The following CDH2 variants were observed in gnomAD, a reference collection of about 807,000 sequenced individuals.
The protein encoded by CDH2 is cadherin-2.
Under a neutral mutation model 92.0 loss-of-function variants are expected in CDH2, and 17 were observed. The ratio of observed to expected loss-of-function variants is 0.18; its 90% CI spans 0.13 to 0.28. The LOEUF (loss-of-function observed/expected upper bound fraction) is 0.28. Ranked by LOEUF, CDH2 falls within the 10% of genes least tolerant of loss-of-function variation. The pLI, the probability that CDH2 is intolerant of heterozygous loss-of-function variation, is 1.00. For synonymous variants in CDH2, 419 were observed against 415.9 expected (o/e 1.01, Z -0.09); for missense variants, 862 against 1,133.1 (o/e 0.76, Z 3.44).
intron 14 of CDH2, among the ~76,000 whole-genome samples, chr18:27,971,518 T>C (rs965161675): frequency 1.3e-5 from 2 of 152,162 alleles, no homozygotes; most frequent in South Asian, 2.1e-4. Flanking sequence ...AAAAGTCATA[T>C]GCAAATCATA....
At chr18:28,163,275 C>A (rs1222222677) in intron 1 of CDH2, among the ~76,000 whole-genome samples, 1 of 152,208 alleles carries the variant, frequency 6.6e-6, no homozygotes, top group East Asian at 1.9e-4. Flanking sequence ...ATACTGCTGG[C>A]AGACCAGTAT....
chr18:28,169,536 G>T lies in CDH2; in HGVS notation c.60+7427C>A, dbSNP rs181645336. Among the ~76,000 whole-genome samples the T allele has an allele frequency of 4.5e-3, 680 of 152,192 alleles. 2 individuals carry two copies. The highest frequency in any genetic ancestry group is 0.016 in the African/African-American group (655 of 41,530). Reference sequence around the variant, plus strand: ...CACCCAAACATTAAGTAACATATCAGAATGGAAAGAAAATCTGGGCATACA... The same window carrying T: ...CACCCAAACATTAAGTAACATATCATAATGGAAAGAAAATCTGGGCATACA... On this transcript the variant is annotated intron_variant, in intron 1 of 15. Transcript: ENST00000269141.
chr18:28,068,990 T>G (rs1022571815), intron 2 of CDH2, among the ~76,000 whole-genome samples: 1 of 152,196 alleles, frequency 6.6e-6, no homozygotes, highest in Non-Finnish European at 1.5e-5. Flanking sequence ...TGTCACATAT[T>G]ATACAGGGGC....
intron 1 of CDH2, among the ~76,000 whole-genome samples, chr18:28,162,868 T>C (rs540459169): frequency 6.6e-6 from 1 of 152,296 alleles, no homozygotes; most frequent in South Asian, 2.1e-4. Context: ...TTGCAGAGGA[T>C]TGATGTGAGG....
chr18:28,177,099 C>A lies in CDH2; in HGVS notation c.-77G>T. 2 of 1,104,060 alleles carry A rather than the reference C, an allele frequency of 1.8e-6. No individual in the cohort carries two copies. The highest frequency in any genetic ancestry group is 3.0e-5 in the East Asian group (1 of 33,072). 68.4% of individuals were successfully genotyped at this position (1,104,060 alleles called of 1,614,324 possible). A position where few individuals can be genotyped will look rare whatever the true frequency, so the allele number is the denominator to read the frequency against. On this transcript the variant is annotated 5_prime_UTR_variant, in exon 1 of 16. Transcript: ENST00000269141. ...GCGGCGGCGGAGGAGGAGGAGGCAG[C>A]GGCAGCACCAACAGCGGCGCGGAGA...
chr18:28,144,014 G>C (rs1312397771), intron 2 of CDH2, among the ~76,000 whole-genome samples: 1 of 151,932 alleles, frequency 6.6e-6, no homozygotes. Flanking sequence ...GAGGGCAAGG[G>C]GAGGGAGAGT....
chr18:28,117,963 T>G (rs1025582218), intron 2 of CDH2, among the ~76,000 whole-genome samples: 1 of 152,102 alleles, frequency 6.6e-6, no homozygotes, highest in Admixed American at 6.5e-5. Context: ...TATCAGAACT[T>G]AAGGGCTTCA....
chr18:28,067,521 A>G (rs1464519151), intron 2 of CDH2, among the ~76,000 whole-genome samples: 1 of 152,204 alleles, frequency 6.6e-6, no homozygotes, highest in African/African-American at 2.4e-5. Flanking sequence ...CACTTAGCAC[A>G]GTGTTTTCAA....
At chr18:28,138,935 G>C (rs2144311315) in intron 2 of CDH2, among the ~76,000 whole-genome samples, 1 of 152,176 alleles carries the variant, frequency 6.6e-6, no homozygotes, top group African/African-American at 2.4e-5. Flanking sequence ...TTTGGGGGAA[G>C]GGAGTGACAG....
intron 2 of CDH2, among the ~76,000 whole-genome samples, chr18:28,093,414 A>G (rs1371154592): frequency 6.6e-6 from 1 of 152,156 alleles, no homozygotes; most frequent in African/African-American, 2.4e-5. Flanking sequence ...GGGAGTCCTA[A>G]CTTGTTTTTA....
At chr18:27,995,440 T>A (rs1039677231) in intron 7 of CDH2, among the ~76,000 whole-genome samples, 4 of 152,066 alleles carry the variant, frequency 2.6e-5, no homozygotes, top group African/African-American at 9.7e-5. Context: ...TCGCAGGACA[T>A]TCAGTTCAGC....
chr18:28,027,124 T>C (rs867624888), intron 2 of CDH2, among the ~76,000 whole-genome samples: 1 of 152,100 alleles, frequency 6.6e-6, no homozygotes, highest in South Asian at 2.1e-4. Context: ...ATATCTACAA[T>C]GGACTTAGCA....
At chr18:28,167,348 T>G (rs1004553259) in intron 1 of CDH2, among the ~76,000 whole-genome samples, 2 of 152,096 alleles carry the variant, frequency 1.3e-5, no homozygotes, top group African/African-American at 2.4e-5. Context: ...CTTGACACCA[T>G]AAATGTGCGA....
intron 2 of CDH2, among the ~76,000 whole-genome samples, chr18:28,105,309 A>T (rs2144242163): frequency 6.6e-6 from 1 of 152,316 alleles, no homozygotes; most frequent in Non-Finnish European, 1.5e-5. Context: ...GTACCTTTCA[A>T]TTAATGCAAA....
At chr18:28,172,766 C>A (rs1003243227) in intron 1 of CDH2, among the ~76,000 whole-genome samples, 2 of 152,054 alleles carry the variant, frequency 1.3e-5, no homozygotes, top group African/African-American at 2.4e-5. Flanking sequence ...AAGAACAAAT[C>A]TGAATGTTAA....
At chr18:28,038,420 CAA>C (rs1491531233) in intron 2 of CDH2, among the ~76,000 whole-genome samples, 18 of 123,416 alleles carry the variant, frequency 1.5e-4, no homozygotes, top group Non-Finnish European at 2.5e-4. Flanking sequence ...GACCTTGTCT[CAA>C]GTGTGTGTGT....
chr18:28,130,819 A>G (rs952348848), intron 2 of CDH2, among the ~76,000 whole-genome samples: 1 of 152,228 alleles, frequency 6.6e-6, no homozygotes, highest in Non-Finnish European at 1.5e-5. Context: ...AAAGTGGTCT[A>G]GAGTAGTAAA....
At chr18:28,038,285 TG>T (rs1202930319) in intron 2 of CDH2, among the ~76,000 whole-genome samples, 1 of 151,984 alleles carries the variant, frequency 6.6e-6, no homozygotes, top group Non-Finnish European at 1.5e-5. Context: ...TAGCCAGGCA[TG>T]GTGGCGCACA....
chr18:28,092,532 C>T (rs1317212365), intron 2 of CDH2, among the ~76,000 whole-genome samples: 1 of 150,536 alleles, frequency 6.6e-6, no homozygotes, highest in African/African-American at 2.4e-5. Context: ...GAATGAAATA[C>T]TGATTAGAAG....
Sources: allele counts gnomAD v4.1 joint callset (sites outside exome capture counted in the v4.1 genomes callset), GRCh38; gene constraint gnomAD v4.1.1; transcripts MANE v1.5; gene names NCBI Gene and HGNC (gene_info 2026-07-23, HGNC 2026-07-21).